The following ADGRL3 variants were observed in gnomAD, a reference collection of about 807,000 sequenced individuals.
ADGRL3 encodes the protein adhesion G protein-coupled receptor L3, also known as calcium-independent alpha-latrotoxin receptor 3.
ADGRL3 carries 62 observed loss-of-function variants against 153.5 expected under a neutral mutation model. The ratio of observed to expected loss-of-function variants is 0.40; its 90% CI spans 0.33 to 0.50. The LOEUF (loss-of-function observed/expected upper bound fraction) is 0.50. ADGRL3 is among the 20% of genes least tolerant of loss of function. The probability of loss-of-function intolerance (pLI) is 0.47; values close to 1 mark genes in which losing one functional copy is unlikely to be tolerated. For missense variants in ADGRL3, 1,641 were observed against 1,859.4 expected, an observed-to-expected ratio of 0.88 and a Z score of 2.16; for synonymous variants, 710 against 672.5, an observed-to-expected ratio of 1.06 and a Z score of -0.86.
At chr4:61,250,960 T>C (rs1258750649) in intron 1 of ADGRL3, among the ~76,000 whole-genome samples, 2 of 152,244 alleles carry the variant, frequency 1.3e-5, no homozygotes, top group East Asian at 1.9e-4. Context: ...ATTATTTTAT[T>C]ACTACCGTTT....
At chr4:61,700,447 T>G (rs1297992587) in intron 6 of ADGRL3, among the ~76,000 whole-genome samples, 1 of 152,156 alleles carries the variant, frequency 6.6e-6, no homozygotes, top group Admixed American at 6.6e-5. Context: ...AACGGTTTTA[T>G]AGAATAATAT....
chr4:61,994,214 C>A (rs1035613524), intron 19 of ADGRL3, among the ~76,000 whole-genome samples: 1 of 152,158 alleles, frequency 6.6e-6, no homozygotes, highest in African/African-American at 2.4e-5. Context: ...GTGCCGGGTT[C>A]ATGACTCACC....
intron 1 of ADGRL3, among the ~76,000 whole-genome samples, chr4:61,343,288 A>C (rs2095842452): frequency 1.3e-5 from 2 of 152,212 alleles, no homozygotes. Flanking sequence ...TCAGACTCCT[A>C]TTCTTCCAAC....
At chr4:61,805,234 G>T (rs888970777) in intron 8 of ADGRL3, among the ~76,000 whole-genome samples, 1 of 151,994 alleles carries the variant, frequency 6.6e-6, no homozygotes, top group Non-Finnish European at 1.5e-5. Context: ...GAGCCACCGC[G>T]CCTGGCCTGT....
chr4:61,518,330 A>G (rs1159043408), intron 4 of ADGRL3, among the ~76,000 whole-genome samples: 1 of 152,212 alleles, frequency 6.6e-6, no homozygotes, highest in Non-Finnish European at 1.5e-5. Context: ...TAGTGGAACT[A>G]TGAATATCAA....
At chr4:61,703,736 A>G (rs910493840) in intron 6 of ADGRL3, among the ~76,000 whole-genome samples, 1 of 152,060 alleles carries the variant, frequency 6.6e-6, no homozygotes, top group African/African-American at 2.4e-5. Context: ...AAAACTGACT[A>G]AAAAAAGACC....
chr4:61,456,362 GATATAGATATATCTATATATAT>G (rs36211778), intron 2 of ADGRL3, among the ~76,000 whole-genome samples: 5 of 117,642 alleles, frequency 4.3e-5, no homozygotes, highest in African/African-American at 1.3e-4. Context: ...TATATATAGA[GATATAGATATATCTATATATAT>G]ATATAGATAT....
chr4:61,427,376 C>T (rs2097295947), intron 2 of ADGRL3: 1 of 152,874 alleles, frequency 6.5e-6, no homozygotes, highest in Non-Finnish European at 1.5e-5. Context: ...TGCTCACCTG[C>T]AATCGCTGTT....
At chr4:61,337,664 A>G (rs1038359373) in intron 1 of ADGRL3, among the ~76,000 whole-genome samples, 19 of 152,318 alleles carry the variant, frequency 1.2e-4, no homozygotes, top group African/African-American at 4.3e-4. Context: ...TGGTCACCTT[A>G]AAATTTATTG....
In ADGRL3 at chr4:61,473,905, G is replaced by C. The variant is rs2098006330; in HGVS notation, c.-173-23216G>C. ...TGAATAAAACATGAACTTGTATATT[G>C]GGCATTATTGTCTAGGAGTGGATAT... On this transcript the variant is annotated intron_variant, in intron 2 of 26. Transcript: ENST00000683033. Among the ~76,000 whole-genome samples, 3 of 151,940 alleles carry C rather than the reference G, an allele frequency of 2.0e-5. No individual in the cohort carries two copies. The South Asian group carries it at 6.2e-4, about 31-fold the overall frequency.
chr4:61,787,596 T>A (rs1255241182), intron 8 of ADGRL3, among the ~76,000 whole-genome samples: 1 of 152,162 alleles, frequency 6.6e-6, no homozygotes, highest in African/African-American at 2.4e-5. Flanking sequence ...TCAAAAGAAT[T>A]ATGTTTTTCC....
intron 8 of ADGRL3, among the ~76,000 whole-genome samples, chr4:61,770,524 T>A (rs1469603680): frequency 6.6e-6 from 1 of 152,170 alleles, no homozygotes; most frequent in African/African-American, 2.4e-5. Context: ...ATTTTCTAAG[T>A]GCAGGACAAT....
At chr4:61,874,894 C>T (rs1242898219) in intron 9 of ADGRL3, among the ~76,000 whole-genome samples, 4 of 143,906 alleles carry the variant, frequency 2.8e-5, no homozygotes, top group South Asian at 2.2e-4. Context: ...CTGCAAGCTC[C>T]GCTTCCCGGG....
chr4:61,498,268 C>T (rs1044941798), intron 3 of ADGRL3, among the ~76,000 whole-genome samples: 26 of 152,000 alleles, frequency 1.7e-4, no homozygotes, highest in African/African-American at 6.0e-4. Flanking sequence ...ATCAAAAGAA[C>T]GGCTGGGCAC....
intron 15 of ADGRL3, among the ~76,000 whole-genome samples, chr4:61,937,386 A>G (rs1581542820): frequency 6.7e-6 from 1 of 148,228 alleles, no homozygotes. Flanking sequence ...ATGTTCCTGC[A>G]TCAGGTTTGG....
intron 9 of ADGRL3, among the ~76,000 whole-genome samples, chr4:61,856,823 C>T (rs531842886): frequency 8.6e-5 from 13 of 151,158 alleles, no homozygotes; most frequent in Admixed American, 5.9e-4. Flanking sequence ...AGATTGGTCT[C>T]GAACTCCTGA....
intron 17 of ADGRL3, among the ~76,000 whole-genome samples, chr4:61,962,357 A>G (rs2098991219): frequency 6.6e-6 from 1 of 152,222 alleles, no homozygotes; most frequent in Non-Finnish European, 1.5e-5. Context: ...TAACATTGAT[A>G]CAATACTATA....
At chr4:61,820,358 T>C (rs1025837346) in intron 9 of ADGRL3, among the ~76,000 whole-genome samples, 1 of 152,124 alleles carries the variant, frequency 6.6e-6, no homozygotes, top group African/African-American at 2.4e-5. Flanking sequence ...TATTACTGAA[T>C]AGGGGTGTAA....
chr4:61,251,965 C>A (rs1759468643), intron 1 of ADGRL3, among the ~76,000 whole-genome samples: 1 of 151,336 alleles, frequency 6.6e-6, no homozygotes, highest in South Asian at 2.1e-4. Flanking sequence ...CTCACTGCAA[C>A]CTCCGCCTCC....
Sources: gnomAD v4.1 joint callset for allele counts (sites outside exome capture counted in the v4.1 genomes callset) on GRCh38, gnomAD v4.1.1 for gene constraint, MANE v1.5 for transcripts, NCBI Gene and HGNC (gene_info 2026-07-23, HGNC 2026-07-21) for gene names.